The following ANO10 variants were observed in gnomAD, a reference collection of about 807,000 sequenced individuals.
ANO10 encodes anoctamin-10.
Under a neutral mutation model 74.7 loss-of-function variants are expected in ANO10, and 77 were observed. The observed-to-expected ratio is 1.03, with a 90% CI of 0.86 to 1.25. The LOEUF is 1.25. ANO10 is among the 50% of genes most tolerant of loss of function. The pLI is 0.00. For missense variants in ANO10, 721 were observed against 778.1 expected, an observed-to-expected ratio of 0.93 and a Z score of 0.87; for synonymous variants, 279 against 284.9, an observed-to-expected ratio of 0.98 and a Z score of 0.21.
intron 1 of ANO10, among the ~76,000 whole-genome samples, chr3:43,655,455 C>T (rs779794631): frequency 3.3e-5 from 5 of 152,132 alleles, no homozygotes; most frequent in African/African-American, 4.8e-5. Flanking sequence ...TTGCAAAGAG[C>T]GAAAGAACAA....
At chr3:43,536,452 AAG>A (rs1383069416) in intron 11 of ANO10, among the ~76,000 whole-genome samples, 8 of 152,188 alleles carry the variant, frequency 5.3e-5, no homozygotes, top group African/African-American at 9.7e-5. Flanking sequence ...TACATTTTGA[AAG>A]AGTGTTAAAA....
chr3:43,420,032 C>G (rs1263279596), intron 12 of ANO10, among the ~76,000 whole-genome samples: 1 of 152,278 alleles, frequency 6.6e-6, no homozygotes, highest in East Asian at 1.9e-4. Flanking sequence ...TAGGGCTTTA[C>G]TTTAAAAGTC....
chr3:43,409,798 G>GT (rs1410514871), intron 12 of ANO10, among the ~76,000 whole-genome samples: 9 of 152,210 alleles, frequency 5.9e-5, no homozygotes, highest in Non-Finnish European at 1.2e-4. Flanking sequence ...CCCATCTGGG[G>GT]TTAATGTTGT....
At chr3:43,660,938 G>T (rs891937338) in intron 1 of ANO10, among the ~76,000 whole-genome samples, 4 of 152,136 alleles carry the variant, frequency 2.6e-5, no homozygotes, top group African/African-American at 9.7e-5. Context: ...TGGGCAACAA[G>T]GGTGAAACTC....
chr3:43,585,479 T>C (rs561250601), intron 4 of ANO10, among the ~76,000 whole-genome samples: 6 of 152,342 alleles, frequency 3.9e-5, no homozygotes, highest in African/African-American at 1.4e-4. Flanking sequence ...TTTACATATT[T>C]CCTTGAAGGT....
chr3:43,401,449 A>G (rs2092480453), intron 12 of ANO10, among the ~76,000 whole-genome samples: 1 of 150,018 alleles, frequency 6.7e-6, no homozygotes, highest in Non-Finnish European at 1.5e-5. Flanking sequence ...AGACACTTCA[A>G]GAATAGATTC....
chr3:43,656,460 G>A (rs928704843), intron 1 of ANO10, among the ~76,000 whole-genome samples: 1 of 152,242 alleles, frequency 6.6e-6, no homozygotes, highest in Non-Finnish European at 1.5e-5. Context: ...GATGGGACTG[G>A]GCGCCATGGA....
intron 11 of ANO10, among the ~76,000 whole-genome samples, chr3:43,517,147 A>C (rs1304687666): frequency 6.6e-6 from 1 of 152,198 alleles, no homozygotes; most frequent in Non-Finnish European, 1.5e-5. Flanking sequence ...AGTTTTTATA[A>C]TCTAATCTCT....
At chr3:43,524,266 A>G (rs191125139) in intron 11 of ANO10, among the ~76,000 whole-genome samples, 32 of 152,412 alleles carry the variant, frequency 2.1e-4, no homozygotes, top group African/African-American at 7.7e-4. Context: ...TAACTGAGTC[A>G]TTTGCTTCAA....
intron 2 of ANO10, among the ~76,000 whole-genome samples, chr3:43,602,205 C>G (rs1470079410): frequency 2.6e-5 from 4 of 152,198 alleles, no homozygotes; most frequent in Non-Finnish European, 5.9e-5. Flanking sequence ...AAATATTTCT[C>G]TCAATAAACT....
intron 1 of ANO10, among the ~76,000 whole-genome samples, chr3:43,636,699 CAATAT>C (rs2083614432): frequency 6.6e-6 from 1 of 152,166 alleles, no homozygotes; most frequent in South Asian, 2.1e-4. Context: ...GTAATTTGTA[CAATAT>C]ATTGTCATAT....
chr3:43,585,585 C>A (rs2081443753), intron 4 of ANO10, among the ~76,000 whole-genome samples: 1 of 152,220 alleles, frequency 6.6e-6, no homozygotes, highest in Non-Finnish European at 1.5e-5. Context: ...CACACACACT[C>A]TTTTCTCAGT....
chr3:43,586,204 A>G (rs2081474210), intron 4 of ANO10, among the ~76,000 whole-genome samples: 1 of 152,096 alleles, frequency 6.6e-6, no homozygotes, highest in Non-Finnish European at 1.5e-5. Context: ...CCATAGCCAG[A>G]TAAGAGGCCA....
At chr3:43,394,727 C>A (rs564813501) in intron 12 of ANO10, among the ~76,000 whole-genome samples, 1 of 152,176 alleles carries the variant, frequency 6.6e-6, no homozygotes, top group East Asian at 1.9e-4. Context: ...CCTTGAGCTG[C>A]CCCGGGTGGA....
At chr3:43,435,702 G>T (rs1158223952) in intron 11 of ANO10, among the ~76,000 whole-genome samples, 2 of 152,062 alleles carry the variant, frequency 1.3e-5, no homozygotes, top group Non-Finnish European at 2.9e-5. Context: ...CCAATTATAG[G>T]TTTATTTGCT....
intron 11 of ANO10, among the ~76,000 whole-genome samples, chr3:43,474,625 A>G (rs1166172386): frequency 6.6e-6 from 1 of 152,272 alleles, no homozygotes; most frequent in Non-Finnish European, 1.5e-5. Flanking sequence ...ATGAATGTAT[A>G]AATAAGTCAA....
chr3:43,415,202 C>T (rs2092720339), intron 12 of ANO10, among the ~76,000 whole-genome samples: 1 of 151,824 alleles, frequency 6.6e-6, no homozygotes, highest in Non-Finnish European at 1.5e-5. Context: ...GTCTTGAACT[C>T]CTGACCTCAA....
chr3:43,570,923 G>A (rs547021739), intron 7 of ANO10, among the ~76,000 whole-genome samples: 10 of 138,470 alleles, frequency 7.2e-5, no homozygotes, highest in Admixed American at 2.2e-4. Context: ...GAAAATTTTC[G>A]CAACCTACTC....
chr3:43,605,901 T>C, intron 1 of ANO10, 38 bp from the exon 2 acceptor site: 2 of 1,604,446 alleles, frequency 1.2e-6, no homozygotes, highest in East Asian at 4.5e-5. Flanking sequence ...AATGGGTTGT[T>C]ATTATGGCAA....
Sources: allele counts gnomAD v4.1 joint callset (sites outside exome capture counted in the v4.1 genomes callset), GRCh38; gene constraint gnomAD v4.1.1; transcripts MANE v1.5; gene names NCBI Gene and HGNC (gene_info 2026-07-23, HGNC 2026-07-21).